The following PSD3 variants were observed in gnomAD, a reference collection of about 807,000 sequenced individuals.
PSD3 encodes pleckstrin and Sec7 domain containing 3.
PSD3 carries 49 observed loss-of-function variants against 105.5 expected under a neutral mutation model. The ratio of observed to expected loss-of-function variants is 0.46; its 90% CI spans 0.37 to 0.59. PSD3 has a LOEUF of 0.59. Among genes scored for constraint, PSD3 ranks in the 20% least tolerant of loss-of-function variants. The pLI is 0.00. For synonymous variants in PSD3, 557 were observed against 457.8 expected (o/e 1.22, Z -2.77); for missense variants, 1,561 against 1,263.8 (o/e 1.24, Z -3.57).
intron 4 of PSD3, among the ~76,000 whole-genome samples, chr8:18,834,565 C>T (rs374701704): frequency 6.6e-6 from 1 of 152,154 alleles, no homozygotes; most frequent in East Asian, 1.9e-4. Flanking sequence ...GCTGATAAAA[C>T]TGATCCAACA....
At chr8:18,637,601 G>C (rs543315343) in intron 10 of PSD3, among the ~76,000 whole-genome samples, 1 of 152,268 alleles carries the variant, frequency 6.6e-6, no homozygotes, top group East Asian at 1.9e-4. Context: ...ATTGTAATGT[G>C]AATCGATAGT....
intron 11 of PSD3, among the ~76,000 whole-genome samples, chr8:18,615,850 G>A (rs531667619): frequency 6.6e-6 from 1 of 152,306 alleles, no homozygotes; most frequent in Non-Finnish European, 1.5e-5. Context: ...AGACCCTGCT[G>A]TGCACGCATT....
At chr8:18,560,175 TAC>T (rs5889808) in intron 14 of PSD3, among the ~76,000 whole-genome samples, 83,582 of 143,208 alleles carry the variant, frequency 0.58, 25,954 homozygotes, top group East Asian at 0.78. Context: ...ATACACATTT[TAC>T]ACACACACAC....
At chr8:18,766,239 C>A (rs761948879) in intron 8 of PSD3, among the ~76,000 whole-genome samples, 1 of 152,012 alleles carries the variant, frequency 6.6e-6, no homozygotes, top group Non-Finnish European at 1.5e-5. Context: ...GAGGTTGAGG[C>A]ATGAGAATCA....
chr8:18,544,171 C>CAAAAAAAAAAAAAAAAAAAAAAAAAAAA (rs201016537), intron 15 of PSD3, among the ~76,000 whole-genome samples: 23 of 106,722 alleles, frequency 2.2e-4, no homozygotes, highest in African/African-American at 3.5e-4. Flanking sequence ...AGAAACAAAC[C>CAAAAAAAAAAAAAAAAAAAAAAAAAAAA]AAAAAAAAAA....
rs567150568 is a variant in PSD3 at position 19,061,320 on chromosome 8, T to G, written c.324+22886A>C. Among the ~76,000 whole-genome samples the G allele has an allele frequency of 2.0e-5, 3 of 152,112 alleles. No individual in the cohort carries two copies. In the East Asian group the frequency reaches 5.8e-4, roughly 29 times the overall value. On this transcript the variant is annotated intron_variant, in intron 1 of 1. Coordinates refer to the PSD3 transcript ENST00000521475. ...TTAGAGAATAAAAATAAAAATATTTTGGGAAATTAAAAAAGGATATAGTGA... is the reference window on the plus strand; with the variant it reads ...TTAGAGAATAAAAATAAAAATATTTGGGGAAATTAAAAAAGGATATAGTGA...
intron 15 of PSD3, among the ~76,000 whole-genome samples, chr8:18,546,454 A>G (rs1908588): frequency 0.89 from 135,384 of 152,160 alleles, 60,310 homozygotes; most frequent in East Asian, 0.97. Context: ...GTTATGTGTG[A>G]CTATGAGACA....
At chr8:18,729,163 C>CT (rs1290583245) in intron 9 of PSD3, among the ~76,000 whole-genome samples, 1 of 152,168 alleles carries the variant, frequency 6.6e-6, no homozygotes, top group Non-Finnish European at 1.5e-5. Context: ...CCTTATGTCC[C>CT]TTTCAATTTT....
chr8:18,529,694 A>G lies in PSD3; in HGVS notation c.*6049T>C, dbSNP rs1415884791. ...CTCTAGAGTAGATATTATTATCCATATCAAATGGTTACTTGGCTTTATAAA... is the reference window on the plus strand; with the variant it reads ...CTCTAGAGTAGATATTATTATCCATGTCAAATGGTTACTTGGCTTTATAAA... On this transcript the variant is annotated 3_prime_UTR_variant, in exon 16 of 16. Coordinates refer to ENST00000327040, the MANE Select transcript of PSD3 (RefSeq NM_015310.4). 2.0e-5 allele frequency: 3 copies of G among 152,662 alleles called. No individual in the cohort carries two copies. The highest frequency in any genetic ancestry group is 7.2e-5 in the African/African-American group (3 of 41,474). The allele number at this position is 152,662 out of a possible 1,614,324, so 9.5% of individuals were successfully genotyped here. A position where few individuals can be genotyped will look rare whatever the true frequency, so the allele number is the denominator to read the frequency against.
At chr8:19,060,705 T>C (rs1371338270) in intron 1 of PSD3, among the ~76,000 whole-genome samples, 1 of 152,246 alleles carries the variant, frequency 6.6e-6, no homozygotes, top group Non-Finnish European at 1.5e-5. Context: ...TGCCAAAGTC[T>C]AATCAATAAT....
At chr8:18,974,758 G>A (rs1824837942) in intron 1 of PSD3, among the ~76,000 whole-genome samples, 1 of 152,048 alleles carries the variant, frequency 6.6e-6, no homozygotes, top group Non-Finnish European at 1.5e-5. Flanking sequence ...ATCAGGCTGG[G>A]CTTGGGTTTA....
Position 18,600,403 on chromosome 8 carries a change from A to G in PSD3, c.2442T>C (p.Phe814=). The G allele has an allele frequency of 1.2e-6, 2 of 1,605,576 alleles. No homozygotes were observed. Among genetic ancestry groups the G allele is most frequent in the Non-Finnish European group, 1.7e-6 (2 of 1,178,028 alleles). The change falls in exon 12 of 16, where the codon TTT becomes TTC. Residue 814 remains phenylalanine (F), a synonymous_variant. Transcript: ENST00000327040. ...GAACTGTTCCCTTCAGTACAGCATA[A>G]AAGGTTTTCCATCCTCGTTTTCCTC... ...TPRGKRGWKT[F]YAVLKGTVLY... is the part of the protein sequence containing the mutation.
chr8:19,047,893 T>C (rs1828382328), intron 1 of PSD3, among the ~76,000 whole-genome samples: 1 of 152,072 alleles, frequency 6.6e-6, no homozygotes, highest in Admixed American at 6.6e-5. Context: ...TGTCAGATGA[T>C]GCCTACTCAC....
intron 2 of PSD3, among the ~76,000 whole-genome samples, chr8:18,905,228 AT>A (rs1173273029): frequency 1.3e-5 from 2 of 151,904 alleles, no homozygotes; most frequent in Non-Finnish European, 2.9e-5. Context: ...TTATTAAATT[AT>A]TTCCCCCTCT....
chr8:19,033,050 G>T (rs1269969174), intron 1 of PSD3, among the ~76,000 whole-genome samples: 4 of 152,054 alleles, frequency 2.6e-5, no homozygotes, highest in African/African-American at 9.7e-5. Flanking sequence ...TTCAAGACCA[G>T]CCTGGGCAAG....
At chr8:18,859,119 T>TTA (rs1409019023) in intron 4 of PSD3, among the ~76,000 whole-genome samples, 1 of 152,168 alleles carries the variant, frequency 6.6e-6, no homozygotes, top group African/African-American at 2.4e-5. Context: ...GGATATTGTG[T>TTA]TGGCGGGCAT....
Position 18,765,553 on chromosome 8 carries a change from A to G in PSD3, c.2083-15T>C. On this transcript the variant is annotated splice_polypyrimidine_tract_variant and intron_variant, in intron 8 of 15. Transcript: ENST00000327040. ...TTTCCAATATTCTGAAACAGAGGCA[A>G]ACAGTACATCACTATGACATTCATG... 1 of 1,535,808 alleles carries G rather than the reference A, an allele frequency of 6.5e-7. No homozygotes were observed. The highest frequency in any genetic ancestry group is 2.2e-5 in the East Asian group (1 of 44,518).
At chr8:18,642,655 G>C (rs574053504) in intron 10 of PSD3, among the ~76,000 whole-genome samples, 47 of 152,226 alleles carry the variant, frequency 3.1e-4, no homozygotes, top group Admixed American at 1.6e-3. Flanking sequence ...TCACCAACCT[G>C]TCTGCTCTGA....
intron 9 of PSD3, among the ~76,000 whole-genome samples, chr8:18,714,590 A>G (rs1802465103): frequency 6.6e-6 from 1 of 152,216 alleles, no homozygotes; most frequent in African/African-American, 2.4e-5. Flanking sequence ...ATACCATTTC[A>G]CACCAGTCAG....
Sources: allele counts gnomAD v4.1 joint callset (sites outside exome capture counted in the v4.1 genomes callset), GRCh38; gene constraint gnomAD v4.1.1; transcripts MANE v1.5; gene names NCBI Gene and HGNC (gene_info 2026-07-23, HGNC 2026-07-21).